The following LRRFIP1 variants were observed in gnomAD, a reference collection of about 807,000 sequenced individuals.
LRRFIP1 encodes the protein LRR binding FLII interacting protein 1.
In LRRFIP1, 62 loss-of-function variants were observed where a neutral mutation model predicts 104.4. The ratio of observed to expected loss-of-function variants is 0.59; its 90% CI spans 0.48 to 0.73. The LOEUF (loss-of-function observed/expected upper bound fraction) is 0.73. Among genes scored for constraint, LRRFIP1 ranks in the 30% least tolerant of loss-of-function variants. LRRFIP1 has a pLI of 0.00. For missense variants in LRRFIP1, 796 were observed against 824.5 expected (o/e 0.97, Z 0.42); for synonymous variants, 300 against 299.0 (o/e 1.00, Z -0.03).
At chr2:237,692,494 CTGTT>C (rs769674928) in intron 1 of LRRFIP1, 12 of 1,533,674 alleles carry the variant, frequency 7.8e-6, no homozygotes, top group Non-Finnish European at 1.1e-5. Flanking sequence ...GGGAGATCGA[CTGTT>C]TGAGCCCGGA....
rs1054498031 is a variant in LRRFIP1, at chr2:237,649,256, G to A, written c.96+21516G>A. 3.3e-5 allele frequency among the ~76,000 whole-genome samples: 5 copies of A among 151,748 alleles called. No individual in the cohort carries two copies. The highest frequency in any genetic ancestry group is 2.1e-4 in the South Asian group (1 of 4,822). ...CAGCTACGAACACTGTAGGCCGGGCGCGATGGCTCACACCTGTAATCCCAG... is the reference window on the plus strand; with the variant it reads ...CAGCTACGAACACTGTAGGCCGGGCACGATGGCTCACACCTGTAATCCCAG... On this transcript the variant is annotated intron_variant, in intron 1 of 23. Coordinates refer to ENST00000308482, the MANE Select transcript of LRRFIP1 (RefSeq NM_001137550.2). This position sits in a 1 kb window ranked among gnomAD's most constrained non-coding sequence, Gnocchi z 4.1.
chr2:237,660,342 A>T (rs2087652478), intron 1 of LRRFIP1, among the ~76,000 whole-genome samples: 1 of 152,186 alleles, frequency 6.6e-6, no homozygotes, highest in South Asian at 2.1e-4. Flanking sequence ...AGGGATTAGG[A>T]GATGGCTTGG....
chr2:237,665,561 C>G, intron 1 of LRRFIP1, among the ~76,000 whole-genome samples: 1 of 152,176 alleles, frequency 6.6e-6, no homozygotes, highest in Admixed American at 6.5e-5. Context: ...TAACTTATTT[C>G]ATGCTATGAA....
chr2:237,650,285 C>A (rs2085704405), intron 1 of LRRFIP1, among the ~76,000 whole-genome samples: 1 of 151,788 alleles, frequency 6.6e-6, no homozygotes, highest in African/African-American at 2.4e-5. Flanking sequence ...AGCATGGGGG[C>A]TGTTGTGGCT....
chr2:237,694,113 C>T (rs943853410), intron 1 of LRRFIP1, among the ~76,000 whole-genome samples: 1 of 152,156 alleles, frequency 6.6e-6, no homozygotes, highest in African/African-American at 2.4e-5. Context: ...CTTGCCCTGT[C>T]CAATGGGGGG....
intron 9 of LRRFIP1, among the ~76,000 whole-genome samples, chr2:237,734,273 C>CTTT (rs71870330): frequency 0.041 from 3,678 of 90,126 alleles, 329 homozygotes; most frequent in African/African-American, 0.16. Context: ...TGTTAATAAC[C>CTTT]TTTTTTTTTT....
At position 237,686,964 on chromosome 2, in the gene LRRFIP1, G is replaced by A. The variant is rs147457501; in HGVS notation, c.97-21580G>A. Reference sequence around the variant, plus strand: ...CTTTGCCAGTGCCCCTGGAGTGGGAGGTGTGGTCACTGGTCCACCAGGAAG... The same window carrying A: ...CTTTGCCAGTGCCCCTGGAGTGGGAAGTGTGGTCACTGGTCCACCAGGAAG... On this transcript the variant is annotated intron_variant, in intron 1 of 23. Coordinates refer to ENST00000308482, the MANE Select transcript of LRRFIP1 (RefSeq NM_001137550.2). 1.2e-3 allele frequency among the ~76,000 whole-genome samples: 181 copies of A among 152,346 alleles called. 4 individuals are homozygous for A. The highest frequency in any genetic ancestry group is 4.2e-3 in the African/African-American group (175 of 41,578).
Position 237,774,471 on chromosome 2 carries a change from C to T in LRRFIP1, c.1812+9C>T, listed in dbSNP as rs778567888. The T allele has an allele frequency of 8.3e-6, 13 of 1,574,090 alleles. No individual in the cohort carries two copies. Among genetic ancestry groups the T allele is most frequent in the Admixed American group, 1.7e-5 (1 of 59,342 alleles). ...GGAAACTCCAAAGAGAGGTAAATTTCCTAGGCAATTTCTAGGAAGAGAATG... is the reference window on the plus strand; with the variant it reads ...GGAAACTCCAAAGAGAGGTAAATTTTCTAGGCAATTTCTAGGAAGAGAATG... On this transcript the variant is annotated intron_variant, in intron 23 of 23. Transcript: ENST00000308482.
chr2:237,702,858 A>G (rs552596320), intron 1 of LRRFIP1, among the ~76,000 whole-genome samples: 17 of 152,184 alleles, frequency 1.1e-4, no homozygotes, highest in African/African-American at 3.6e-4. Flanking sequence ...TGCCCCCACT[A>G]CCCAGCCTCA....
chr2:237,731,082 C>G (rs2094984719), intron 8 of LRRFIP1, among the ~76,000 whole-genome samples: 1 of 152,216 alleles, frequency 6.6e-6, no homozygotes, highest in African/African-American at 2.4e-5. Context: ...TGTGGCTGAG[C>G]ACAGGGTGCT....
Position 237,774,497 on chromosome 2 carries a change from G to A in LRRFIP1, c.1812+35G>A, listed in dbSNP as rs571985088. 3.4e-5 allele frequency: 47 copies of A among 1,379,148 alleles called. No homozygotes were observed. The Admixed American group carries it at 6.2e-4, about 18-fold the overall frequency. 85.4% of individuals were successfully genotyped at this position (1,379,148 alleles called of 1,614,324 possible). On this transcript the variant is annotated intron_variant, in intron 23 of 23. Transcript: ENST00000308482. ...CTAGGCAATTTCTAGGAAGAGAATGGCTGCCAGTATTTCTCTAGTGGGGAC... is the reference window on the plus strand; with the variant it reads ...CTAGGCAATTTCTAGGAAGAGAATGACTGCCAGTATTTCTCTAGTGGGGAC...
intron 11 of LRRFIP1, among the ~76,000 whole-genome samples, chr2:237,746,983 CACT>C (rs1297989895): frequency 6.6e-6 from 1 of 152,238 alleles, no homozygotes; most frequent in Non-Finnish European, 1.5e-5. Flanking sequence ...CCCCCATTTC[CACT>C]CCTGCTCTTG....
intron 1 of LRRFIP1, among the ~76,000 whole-genome samples, chr2:237,693,033 G>C (rs1247992643): frequency 6.6e-6 from 1 of 152,210 alleles, no homozygotes; most frequent in Non-Finnish European, 1.5e-5. Flanking sequence ...AGTCTCCCGG[G>C]TCCGCCCAGC....
intron 20 of LRRFIP1, 52 bp from the exon 21 acceptor site, chr2:237,772,029 G>T: frequency 1.5e-6 from 2 of 1,311,620 alleles, no homozygotes; most frequent in Non-Finnish European, 2.2e-6. Context: ...TCAGCTTTTC[G>T]GTCTCATTCA....
intron 1 of LRRFIP1, among the ~76,000 whole-genome samples, chr2:237,646,136 C>G (rs191941190): frequency 1.3e-5 from 2 of 152,010 alleles, no homozygotes; most frequent in Admixed American, 1.3e-4. Context: ...AAAACATAAA[C>G]ATCGATATTC....
intron 1 of LRRFIP1, among the ~76,000 whole-genome samples, chr2:237,648,745 AAGG>A (rs72213129): frequency 0.012 from 1,763 of 143,188 alleles, 32 homozygotes; most frequent in African/African-American, 0.042. Flanking sequence ...CAGACCCAGG[AAGG>A]AGGTCAGAGC....
At chr2:237,641,213 TAAA>T (rs768910623) in intron 1 of LRRFIP1, among the ~76,000 whole-genome samples, 4 of 125,476 alleles carry the variant, frequency 3.2e-5, no homozygotes, top group Non-Finnish European at 3.4e-5. Flanking sequence ...CCATCTCTAT[TAAA>T]AAAAAAAAAA....
At chr2:237,747,913 GCAAACAAA>G (rs1016343634) in intron 11 of LRRFIP1, among the ~76,000 whole-genome samples, 3 of 151,624 alleles carry the variant, frequency 2.0e-5, no homozygotes, top group Admixed American at 6.6e-5. Context: ...ACCCAGTCCT[GCAAACAAA>G]CAAACAAACA....
chr2:237,732,237 A>G (rs2095044287), intron 8 of LRRFIP1, among the ~76,000 whole-genome samples: 1 of 152,006 alleles, frequency 6.6e-6, no homozygotes, highest in Non-Finnish European at 1.5e-5. Context: ...GTATAAGGTA[A>G]TCGTCTCTGA....
Sources: allele counts gnomAD v4.1 joint callset (sites outside exome capture counted in the v4.1 genomes callset), GRCh38; gene constraint gnomAD v4.1.1; non-coding constraint Gnocchi (gnomAD v3.1); transcripts MANE v1.5; gene names NCBI Gene and HGNC (gene_info 2026-07-23, HGNC 2026-07-21).